OR2A12: variants seen among roughly 807,000 people sequenced by gnomAD.
The protein encoded by OR2A12 is olfactory receptor family 2 subfamily A member 12.
For synonymous variants in OR2A12, 153 were observed against 149.3 expected, an observed-to-expected ratio of 1.02 and a Z score of -0.18; for missense variants, 380 against 372.5, an observed-to-expected ratio of 1.02 and a Z score of -0.17.
At chr7:144,095,034 T>C (rs535393562) in intron 1 of OR2A12, 23 bp from the exon 2 acceptor site, 64 of 990,254 alleles carry the variant, frequency 6.5e-5, no homozygotes, top group Middle Eastern at 4.4e-4. Flanking sequence ...TATAATGAAA[T>C]GTTTTTTATT....
At position 144,088,068 on chromosome 7, in the gene OR2A12, C is replaced by T. The variant is rs572050272; in HGVS notation, c.-52+1525C>T. 8.5e-5 allele frequency among the ~76,000 whole-genome samples: 13 copies of T among 152,342 alleles called. No homozygotes were observed. The South Asian group carries it at 2.7e-3, about 32-fold the overall frequency. On this transcript the variant is annotated intron_variant, in intron 1 of 1. Coordinates refer to ENST00000641592, the MANE Select transcript of OR2A12 (RefSeq NM_001004135.2). ...TCGCTCTGTCTCCCAGGCTGGAGTG[C>T]AGTGGCACGATTTTGGCTCACTGCA...
chr7:144,089,180 G>A (rs2051211120), intron 1 of OR2A12, among the ~76,000 whole-genome samples: 1 of 151,990 alleles, frequency 6.6e-6, no homozygotes, highest in African/African-American at 2.4e-5. Context: ...ATTCTTTGTG[G>A]ATTTTTCTTT....
chr7:144,096,827 A>T lies in OR2A12; in HGVS notation c.*787A>T, dbSNP rs1444661514. ...CTTTATAAGCTAATATCGCAGTAAG[A>T]CTTTCTAAACAGAATCTACCAAAAA... On this transcript the variant is annotated 3_prime_UTR_variant, in exon 2 of 2. Coordinates refer to ENST00000641592, the MANE Select transcript of OR2A12 (RefSeq NM_001004135.2). 6.6e-6 allele frequency: 1 copy of T among 152,202 alleles called. No individual in the cohort carries two copies. Among genetic ancestry groups the T allele is most frequent in the African/African-American group, 2.4e-5 (1 of 41,446 alleles). 9.4% of individuals were successfully genotyped at this position (152,202 alleles called of 1,614,324 possible).
chr7:144,095,673 C>G lies in OR2A12; in HGVS notation c.566C>G (p.Ala189Gly). Residue 189 changes from alanine (A) to glycine (G), a missense_variant, in exon 2 of 2, where the codon GCT becomes GGT. Transcript: ENST00000641592. ...ATGTCCGTATTCAAATTGGCCTGTG[C>G]TGACACTAGGCTCAACCAGGTGGTC... Reference protein sequence around the residue: ...QIMSVFKLACADTRLNQVVLF... With the variant: ...QIMSVFKLACGDTRLNQVVLF... The G allele has an allele frequency of 6.2e-7, 1 of 1,614,080 alleles. No homozygotes were observed. Among genetic ancestry groups the G allele is most frequent in the South Asian group, 1.1e-5 (1 of 91,080 alleles).
chr7:144,086,850 T>C (rs2051191066), intron 1 of OR2A12, among the ~76,000 whole-genome samples: 1 of 152,138 alleles, frequency 6.6e-6, no homozygotes, highest in African/African-American at 2.4e-5. Context: ...GGCAGAAATG[T>C]TCAGGTTTAG....
In OR2A12 at chr7:144,086,332, A is replaced by G. The variant is rs1206615520; in HGVS notation, c.-263A>G. On this transcript the variant is annotated 5_prime_UTR_variant, in exon 1 of 2. Coordinates refer to ENST00000641592, the MANE Select transcript of OR2A12 (RefSeq NM_001004135.2). Reference sequence around the variant, plus strand: ...ACCTTGCCATTCTTCCTGAGTTCTCACTTCTTTGCATAAGCAGGAACACAA... The same window carrying G: ...ACCTTGCCATTCTTCCTGAGTTCTCGCTTCTTTGCATAAGCAGGAACACAA... The G allele has an allele frequency of 6.6e-6, 1 of 152,522 alleles. No homozygotes were observed. The highest frequency in any genetic ancestry group is 1.5e-5 in the Non-Finnish European group (1 of 68,084). 9.4% of individuals were successfully genotyped at this position (152,522 alleles called of 1,614,324 possible).
chr7:144,095,079 A>G lies in OR2A12; in HGVS notation c.-29A>G. 6.8e-7 allele frequency: 1 copy of G among 1,475,306 alleles called. No individual in the cohort carries two copies. Among genetic ancestry groups the G allele is most frequent in the South Asian group, 1.3e-5 (1 of 78,606 alleles). 91.4% of individuals were successfully genotyped at this position (1,475,306 alleles called of 1,614,324 possible). On this transcript the variant is annotated 5_prime_UTR_variant, in exon 2 of 2. Transcript: ENST00000641592. ...TAGCTGTGAAATTTCTGTCTTAAGT[A>G]CATCACAAGATTTTTCTGTCACGAG... is the stretch of plus-strand genomic sequence containing the variant.
chr7:144,093,377 T>C (rs1266093429), intron 1 of OR2A12, among the ~76,000 whole-genome samples: 6 of 152,184 alleles, frequency 3.9e-5, no homozygotes, highest in Admixed American at 3.9e-4. Context: ...TATTAAAATC[T>C]GGGTAGATTC....
At chr7:144,089,893 A>G (rs2051216134) in intron 1 of OR2A12, among the ~76,000 whole-genome samples, 1 of 152,194 alleles carries the variant, frequency 6.6e-6, no homozygotes, top group Non-Finnish European at 1.5e-5. Flanking sequence ...TCTATTTGAA[A>G]TTATGTGTAA....
Position 144,095,654 on chromosome 7 carries a change from G to C in OR2A12, c.547G>C (p.Val183Leu). 1 of 1,614,038 alleles carries C rather than the reference G, an allele frequency of 6.2e-7. No individual in the cohort carries two copies. The highest frequency in any genetic ancestry group is 8.5e-7 in the Non-Finnish European group (1 of 1,180,008). Residue 183 changes from valine (V) to leucine (L), a missense_variant, in exon 2 of 2, where the codon GTA becomes CTA. Coordinates refer to ENST00000641592, the MANE Select transcript of OR2A12 (RefSeq NM_001004135.2). ...CCACTTTTTCTGTCAAATCATGTCC[G>C]TATTCAAATTGGCCTGTGCTGACAC... ...INHFFCQIMS[V>L]FKLACADTRL...
intron 1 of OR2A12, among the ~76,000 whole-genome samples, chr7:144,094,834 C>A (rs2128803003): frequency 6.6e-6 from 1 of 152,206 alleles, no homozygotes; most frequent in African/African-American, 2.4e-5. Flanking sequence ...AATGACAAAT[C>A]TTCTATTTTT....
In OR2A12 at chr7:144,095,868, C is replaced by T; in HGVS notation, c.761C>T (p.Ala254Val). ...GTGGTGGGGCTTTTCTTTGGCAGCGCCATTGTCATGTACATGGCCCCCAAG... is the reference window on the plus strand; with the variant it reads ...GTGGTGGGGCTTTTCTTTGGCAGCGTCATTGTCATGTACATGGCCCCCAAG... ...LCVVGLFFGS[A>V]IVMYMAPKSS... The change falls in exon 2 of 2, where the codon GCC becomes GTC. Residue 254 changes from alanine (A) to valine (V), a missense_variant. Transcript: ENST00000641592. The T allele has an allele frequency of 1.9e-6, 3 of 1,614,118 alleles. No homozygotes were observed. The highest frequency in any genetic ancestry group is 2.5e-6 in the Non-Finnish European group (3 of 1,180,028).
Position 144,096,124 on chromosome 7 carries a change from A to ACCACAC in OR2A12, c.*88_*93dup. On this transcript the variant is annotated 3_prime_UTR_variant, in exon 2 of 2. Coordinates refer to ENST00000641592, the MANE Select transcript of OR2A12 (RefSeq NM_001004135.2). ...AATTTCCTTTTTAATTCTTTAATTT[A>ACCACAC]CCACACCCAATACTGTTTATCTTTA... 1 of 963,962 alleles carries ACCACAC rather than the reference A, an allele frequency of 1.0e-6. No individual in the cohort carries two copies. The highest frequency in any genetic ancestry group is 1.6e-6 in the Non-Finnish European group (1 of 631,668). 59.7% of individuals were successfully genotyped at this position (963,962 alleles called of 1,614,324 possible).
rs760840733 is a variant in OR2A12, at chr7:144,095,953, G to A, written c.846G>A (p.Pro282=). Residue 282 remains proline, a synonymous_variant, in exon 2 of 2, where the codon CCG becomes CCA. Coordinates refer to ENST00000641592, the MANE Select transcript of OR2A12 (RefSeq NM_001004135.2). ...ILSLFYSLFN[P]ILNPLIYSLR... is the part of the protein sequence containing the mutation. ...CCCTGTTTTACAGCCTTTTCAACCC[G>A]ATCCTGAACCCCCTCATCTACAGCC... is the stretch of plus-strand genomic sequence containing the variant. The A allele has an allele frequency of 1.9e-6, 3 of 1,613,876 alleles. No homozygotes were observed. The highest frequency in any genetic ancestry group is 2.7e-5 in the African/African-American group (2 of 74,844).
chr7:144,091,949 C>T (rs767684439), intron 1 of OR2A12, among the ~76,000 whole-genome samples: 3 of 152,074 alleles, frequency 2.0e-5, no homozygotes, highest in Non-Finnish European at 4.4e-5. Flanking sequence ...AACAGTACCA[C>T]CTAGATTTTG....
At chr7:144,086,883 C>T (rs1204531369) in intron 1 of OR2A12, among the ~76,000 whole-genome samples, 4 of 152,098 alleles carry the variant, frequency 2.6e-5, no homozygotes, top group Non-Finnish European at 4.4e-5. Flanking sequence ...AAAGAGAGAG[C>T]GAGCGAGAAC....
At chr7:144,092,028 A>C (rs2051230771) in intron 1 of OR2A12, among the ~76,000 whole-genome samples, 1 of 152,056 alleles carries the variant, frequency 6.6e-6, no homozygotes, top group Admixed American at 6.5e-5. Flanking sequence ...TGATCTTTGC[A>C]TATGGTGTAA....
At chr7:144,093,806 C>G (rs1190131705) in intron 1 of OR2A12, among the ~76,000 whole-genome samples, 1 of 151,710 alleles carries the variant, frequency 6.6e-6, no homozygotes, top group Non-Finnish European at 1.5e-5. Context: ...AGGACATGAA[C>G]TCATCATTTT....
intron 1 of OR2A12, among the ~76,000 whole-genome samples, chr7:144,086,874 A>G (rs1434139905): frequency 6.6e-6 from 1 of 152,194 alleles, no homozygotes. Context: ...GGAGGAAAAA[A>G]AGAGAGAGCG....
Sources: allele counts gnomAD v4.1 joint callset (sites outside exome capture counted in the v4.1 genomes callset), GRCh38; gene constraint gnomAD v4.1.1; transcripts MANE v1.5; gene names NCBI Gene and HGNC (gene_info 2026-07-23, HGNC 2026-07-21).